Variants in STK4 observed in about 807,000 individuals in gnomAD.
STK4 encodes the protein serine/threonine kinase 4.
A neutral mutation model predicts 64.9 loss-of-function variants in STK4; 30 were observed. The observed-to-expected ratio is 0.46, with a 90% CI of 0.35 to 0.63. The LOEUF (loss-of-function observed/expected upper bound fraction) is 0.63. Among genes scored for constraint, STK4 ranks in the 20% least tolerant of loss-of-function variants. The probability of loss-of-function intolerance (pLI) is 0.01; values close to 1 mark genes in which losing one functional copy is unlikely to be tolerated. For synonymous variants in STK4, 177 were observed against 199.0 expected, an observed-to-expected ratio of 0.89 and a Z score of 0.93; for missense variants, 466 against 598.5, an observed-to-expected ratio of 0.78 and a Z score of 2.31.
At chr20:45,028,361 T>C (rs948568382) in intron 10 of STK4, among the ~76,000 whole-genome samples, 13 of 151,734 alleles carry the variant, frequency 8.6e-5, no homozygotes, top group Non-Finnish European at 1.8e-4. Flanking sequence ...GGGTCTTGCT[T>C]ATTCTCCCAG....
At chr20:44,986,235 G>A (rs2067528187) in intron 4 of STK4, among the ~76,000 whole-genome samples, 1 of 152,180 alleles carries the variant, frequency 6.6e-6, no homozygotes, top group Admixed American at 6.5e-5. Flanking sequence ...TAAGGGAATA[G>A]AGTATGAGCT....
At chr20:44,987,410 T>C in intron 5 of STK4, 114 bp downstream of exon 5, 1 of 1,059,028 alleles carries the variant, frequency 9.4e-7, no homozygotes. Context: ...TAGTAAAAAA[T>C]CACAGAATCT....
intron 2 of STK4, 109 bp from the exon 3 acceptor site, chr20:44,978,334 T>G (rs770023343): frequency 1.3e-5 from 18 of 1,341,088 alleles, no homozygotes; most frequent in Non-Finnish European, 1.6e-5. Flanking sequence ...GTATATGTAT[T>G]AGGCACTTAG....
At chr20:45,045,850 A>G (rs2068686063) in intron 10 of STK4, among the ~76,000 whole-genome samples, 1 of 151,814 alleles carries the variant, frequency 6.6e-6, no homozygotes, top group South Asian at 2.1e-4. Flanking sequence ...TCTGTCGCCC[A>G]GGCTGGAGTG....
chr20:45,068,081 C>T (rs187209731), intron 10 of STK4, among the ~76,000 whole-genome samples: 30 of 152,180 alleles, frequency 2.0e-4, no homozygotes, highest in African/African-American at 7.2e-4. Context: ...TGTTATATAC[C>T]TTACCAATAC....
chr20:44,980,729 C>T lies in STK4; in HGVS notation c.246-1100C>T, dbSNP rs183687644. Among the ~76,000 whole-genome samples the T allele has an allele frequency of 3.0e-3, 458 of 152,198 alleles. 2 individuals are homozygous for T. Among genetic ancestry groups the T allele is most frequent in the African/African-American group, 0.011 (436 of 41,518 alleles). ...TGTTGCCCAGGCTGGAGTGCAGTGG[C>T]GCGATCTCGACTCACTGCAAGCTCC... On this transcript the variant is annotated intron_variant, in intron 3 of 10. Transcript: ENST00000372806.
chr20:44,999,467 A>T (rs1046068879), intron 7 of STK4, among the ~76,000 whole-genome samples: 3 of 152,230 alleles, frequency 2.0e-5, no homozygotes, highest in Admixed American at 2.0e-4. Context: ...GATTGCCAAG[A>T]AACAATGGGG....
intron 10 of STK4, among the ~76,000 whole-genome samples, chr20:45,065,077 G>T (rs146480990): frequency 7.0e-4 from 106 of 151,872 alleles, no homozygotes; most frequent in Admixed American, 1.8e-3. Flanking sequence ...GATGTTTGCT[G>T]TGGGTTTTTA....
In STK4 at chr20:44,987,248, A is replaced by C. The variant is rs746420331; in HGVS notation, c.477A>C (p.Thr159=). 1.2e-6 allele frequency: 2 copies of C among 1,611,742 alleles called. No individual in the cohort carries two copies. The highest frequency in any genetic ancestry group is 1.1e-5 in the South Asian group (1 of 90,418). The change falls in exon 5 of 11, where the codon ACA becomes ACC. Residue 159 remains threonine, a synonymous_variant. Coordinates refer to ENST00000372806, the MANE Select transcript of STK4 (RefSeq NM_006282.5). The stretch of plus-strand genomic sequence containing the variant: ...AGGCAGGAAATATTTTGCTAAATAC[A>C]GAAGGACATGCAAAACTTGCAGATT... ...DIKAGNILLN[T]EGHAKLADFG...
chr20:45,052,536 T>C (rs1243299661), intron 10 of STK4, among the ~76,000 whole-genome samples: 1 of 152,210 alleles, frequency 6.6e-6, no homozygotes, highest in Non-Finnish European at 1.5e-5. Flanking sequence ...CATTTGGGGC[T>C]TTTTTGGTTG....
chr20:45,017,584 G>A (rs1460862201), intron 9 of STK4, among the ~76,000 whole-genome samples: 1 of 152,146 alleles, frequency 6.6e-6, no homozygotes, highest in Non-Finnish European at 1.5e-5. Context: ...TGAAAGTAAG[G>A]AGTTTGAACC....
chr20:45,033,743 C>A (rs1055642946), intron 10 of STK4, among the ~76,000 whole-genome samples: 1 of 152,028 alleles, frequency 6.6e-6, no homozygotes, highest in Non-Finnish European at 1.5e-5. Flanking sequence ...CTCTACCTGG[C>A]TAATTTTTGT....
intron 10 of STK4, among the ~76,000 whole-genome samples, chr20:45,046,414 A>C (rs2068695792): frequency 6.6e-6 from 1 of 151,662 alleles, no homozygotes. Context: ...TAGCCTGGGT[A>C]ACAGAATGAG....
At chr20:45,058,504 A>G (rs534639771) in intron 10 of STK4, among the ~76,000 whole-genome samples, 3 of 152,310 alleles carry the variant, frequency 2.0e-5, no homozygotes, top group Non-Finnish European at 2.9e-5. Context: ...ATTGGATCCT[A>G]TTTAGTCTGA....
In STK4 at chr20:44,978,455, C is replaced by T. The variant is rs150111569; in HGVS notation, c.129C>T (p.Ser43=). 1.7e-5 allele frequency: 27 copies of T among 1,613,404 alleles called. No individual in the cohort carries two copies. Among genetic ancestry groups the T allele is most frequent in the South Asian group, 4.4e-5 (4 of 90,970 alleles). The stretch of plus-strand genomic sequence containing the variant: ...CCCAAATGTATAGGTCCTATGGCAG[C>T]GTATACAAAGCTATTCATAAAGAGA... ...LEKLGEGSYG[S]VYKAIHKETG... is the part of the protein sequence containing the mutation. Residue 43 remains serine (S), a synonymous_variant, in exon 3 of 11, where the codon AGC becomes AGT. Transcript: ENST00000372806.
chr20:45,079,350 C>T lies in STK4; in HGVS notation c.*4174C>T, dbSNP rs6094092. The T allele has an allele frequency of 2.8e-4, 43 of 152,302 alleles. No individual in the cohort carries two copies. Among genetic ancestry groups the T allele is most frequent in the African/African-American group, 9.6e-4 (40 of 41,572 alleles). The allele number at this position is 152,302 out of a possible 1,614,324, so 9.4% of individuals were successfully genotyped here. A position where few individuals can be genotyped will look rare whatever the true frequency, so the allele number is the denominator to read the frequency against. On this transcript the variant is annotated 3_prime_UTR_variant, in exon 11 of 11. Transcript: ENST00000372806. ...GCTCAGAGAAGTAAAGTCTATTGCT[C>T]AAGGTCATGTGGCTAGAATATGGCA...
At chr20:45,007,741 AATTGTTTATTC>A in intron 9 of STK4, 1 of 401,410 alleles carries the variant, frequency 2.5e-6, no homozygotes, top group Non-Finnish European at 4.9e-6. Context: ...TGTTCGAAAC[AATTGTTTATTC>A]ATTTATTTAT....
intron 9 of STK4, among the ~76,000 whole-genome samples, chr20:45,018,021 A>G (rs1287817632): frequency 6.6e-6 from 1 of 152,198 alleles, no homozygotes; most frequent in African/African-American, 2.4e-5. Context: ...AGCTACTTGG[A>G]TAGTAACCAG....
At chr20:45,056,421 G>A (rs1287898976) in intron 10 of STK4, among the ~76,000 whole-genome samples, 3 of 152,144 alleles carry the variant, frequency 2.0e-5, no homozygotes, top group African/African-American at 4.8e-5. Flanking sequence ...GCATATGTCT[G>A]GAGTTTGTTC....
Sources: allele counts gnomAD v4.1 joint callset (sites outside exome capture counted in the v4.1 genomes callset), GRCh38; gene constraint gnomAD v4.1.1; transcripts MANE v1.5; gene names NCBI Gene and HGNC (gene_info 2026-07-23, HGNC 2026-07-21).